Variants in BNC2 observed in about 807,000 individuals in gnomAD.
BNC2 encodes the protein basonuclin zinc finger protein 2, also known as zinc finger protein basonuclin-2.
Under a neutral mutation model 76.3 loss-of-function variants are expected in BNC2, and 20 were observed. That is an observed-to-expected ratio of 0.26 (90% CI 0.18 to 0.38). The LOEUF (loss-of-function observed/expected upper bound fraction) is 0.38. Among genes scored for constraint, BNC2 ranks in the 10% least tolerant of loss-of-function variants. BNC2 has a pLI of 1.00. For synonymous variants in BNC2, 582 were observed against 514.8 expected (o/e 1.13, Z -1.77); for missense variants, 1,382 against 1,399.8 (o/e 0.99, Z 0.20).
intron 3 of BNC2, among the ~76,000 whole-genome samples, chr9:16,638,152 A>G (rs942378798): frequency 6.6e-6 from 1 of 152,192 alleles, no homozygotes; most frequent in Non-Finnish European, 1.5e-5. Context: ...CTTTCTCGTG[A>G]TATTTCCACT....
At chr9:16,561,004 C>T (rs1159885619) in intron 4 of BNC2, among the ~76,000 whole-genome samples, 1 of 151,902 alleles carries the variant, frequency 6.6e-6, no homozygotes, top group Non-Finnish European at 1.5e-5. Flanking sequence ...TTGGGAGGCC[C>T]AGCACTTTGG....
intron 4 of BNC2, 152 bp from the exon 5 acceptor site, chr9:16,552,917 A>C: frequency 1.5e-6 from 1 of 647,600 alleles, no homozygotes; most frequent in Non-Finnish European, 2.8e-6. Flanking sequence ...TCTTGCAAAG[A>C]AAATAGTTCT....
chr9:16,523,849 C>G (rs1817705862), intron 5 of BNC2, among the ~76,000 whole-genome samples: 1 of 152,026 alleles, frequency 6.6e-6, no homozygotes, highest in South Asian at 2.1e-4. Context: ...TCGCTTGAAC[C>G]CAGGAGGCAG....
chr9:16,448,650 T>C lies in BNC2; in HGVS notation c.670-11126A>G, dbSNP rs1465510460. On this transcript the variant is annotated intron_variant, in intron 5 of 6. Transcript: ENST00000380672. ...CAGTATTCCATAAAACAGTGAGGAT[T>C]GAGTATTCCATAAAACACACTGAGG... is the stretch of plus-strand genomic sequence containing the variant. Among the ~76,000 whole-genome samples the C allele has an allele frequency of 5.3e-5, 8 of 152,156 alleles. 1 individual carries two copies. In the South Asian group the frequency reaches 1.2e-3, roughly 24 times the overall value.
chr9:16,690,133 A>G (rs1319976316), intron 3 of BNC2, among the ~76,000 whole-genome samples: 1 of 152,178 alleles, frequency 6.6e-6, no homozygotes, highest in African/African-American at 2.4e-5. Flanking sequence ...CAGAAGGACC[A>G]AGAATATAGA....
intron 3 of BNC2, among the ~76,000 whole-genome samples, chr9:16,682,787 G>A (rs983215788): frequency 6.6e-6 from 1 of 152,112 alleles, no homozygotes; most frequent in African/African-American, 2.4e-5. Flanking sequence ...CTCACATCCT[G>A]AATTCCCAAC....
chr9:16,481,490 C>A (rs559466854), intron 5 of BNC2, among the ~76,000 whole-genome samples: 2 of 152,284 alleles, frequency 1.3e-5, no homozygotes, highest in African/African-American at 4.8e-5. Flanking sequence ...AAGGAAGAAA[C>A]TCCAAACACA....
chr9:16,472,770 T>C (rs1821852563), intron 5 of BNC2, among the ~76,000 whole-genome samples: 1 of 152,200 alleles, frequency 6.6e-6, no homozygotes, highest in Non-Finnish European at 1.5e-5. Context: ...AAGGTTAATG[T>C]TGGAAGTTAT....
chr9:16,743,677 G>A (rs969924279), intron 1 of BNC2, among the ~76,000 whole-genome samples: 1 of 152,178 alleles, frequency 6.6e-6, no homozygotes, highest in African/African-American at 2.4e-5. Flanking sequence ...TTCTTCAGGA[G>A]CCAGAGGCTG....
chr9:16,440,431 T>C (rs1821103122), intron 5 of BNC2, among the ~76,000 whole-genome samples: 1 of 152,332 alleles, frequency 6.6e-6, no homozygotes. Context: ...TCTTGAGTGT[T>C]CTTTTACAGA....
At chr9:16,666,484 C>T (rs560506151) in intron 3 of BNC2, among the ~76,000 whole-genome samples, 5 of 152,330 alleles carry the variant, frequency 3.3e-5, no homozygotes, top group East Asian at 1.9e-4. Flanking sequence ...TAAAAACACA[C>T]GCACAGAAAG....
intron 5 of BNC2, among the ~76,000 whole-genome samples, chr9:16,510,674 T>C (rs961979613): frequency 2.0e-5 from 3 of 152,186 alleles, no homozygotes; most frequent in African/African-American, 7.2e-5. Context: ...CCTCAAACTA[T>C]GGCACATGAC....
chr9:16,862,182 AATGAAAAC>A (rs1315307762), intron 1 of BNC2, among the ~76,000 whole-genome samples: 1 of 152,228 alleles, frequency 6.6e-6, no homozygotes, highest in Non-Finnish European at 1.5e-5. Context: ...ACCCAAGAGA[AATGAAAAC>A]ATTATGTCCA....
intron 3 of BNC2, among the ~76,000 whole-genome samples, chr9:16,701,522 T>A (rs984669124): frequency 5.3e-5 from 8 of 152,250 alleles, no homozygotes; most frequent in Non-Finnish European, 7.3e-5. Context: ...TTCATTTTTT[T>A]ATGCTTACTA....
chr9:16,430,330 T>C (rs1820884894), intron 6 of BNC2, among the ~76,000 whole-genome samples: 1 of 152,218 alleles, frequency 6.6e-6, no homozygotes, highest in South Asian at 2.1e-4. Context: ...TAAAATGTTC[T>C]CCTCTTTTAC....
chr9:16,852,613 T>C (rs776700630), intron 1 of BNC2, among the ~76,000 whole-genome samples: 1 of 152,004 alleles, frequency 6.6e-6, no homozygotes, highest in African/African-American at 2.4e-5. Context: ...ATAAACTACA[T>C]GTAAATAAAA....
Position 16,436,620 on chromosome 9 carries a change from G to A in BNC2, c.1574C>T (p.Thr525Ile), listed in dbSNP as rs1261762457. The A allele has an allele frequency of 1.9e-6, 3 of 1,614,124 alleles. No individual in the cohort carries two copies. The highest frequency in any genetic ancestry group is 2.5e-6 in the Non-Finnish European group (3 of 1,180,018). Residue 525 changes from threonine to isoleucine, a missense_variant, in exon 6 of 7, where the codon ACA becomes ATA. Thr to Ile is a moderately conservative substitution (Grantham distance 89). Transcript: ENST00000380672. ...SGAATPVIAS[T>I]KSNLALTSPG... ...GCTTGTGAGTGCCAGATTTGATTTTGTACTTGCTATGACAGGGGTGGCAGC... is the reference window on the plus strand; with the variant it reads ...GCTTGTGAGTGCCAGATTTGATTTTATACTTGCTATGACAGGGGTGGCAGC...
chr9:16,811,079 A>G (rs1184663253), intron 1 of BNC2, among the ~76,000 whole-genome samples: 2 of 151,936 alleles, frequency 1.3e-5, no homozygotes, highest in African/African-American at 2.4e-5. Flanking sequence ...TTAGCCAGGC[A>G]TGGTGGCGGG....
At chr9:16,835,852 C>T (rs1265403280) in intron 1 of BNC2, among the ~76,000 whole-genome samples, 3 of 152,158 alleles carry the variant, frequency 2.0e-5, no homozygotes, top group South Asian at 2.1e-4. Context: ...GAAGAATTGG[C>T]GTCTAAAGTT....
Sources: gnomAD v4.1 joint callset for allele counts (sites outside exome capture counted in the v4.1 genomes callset) on GRCh38, gnomAD v4.1.1 for gene constraint, MANE v1.5 for transcripts, NCBI Gene and HGNC (gene_info 2026-07-23, HGNC 2026-07-21) for gene names.